CEP128: variants seen among roughly 807,000 people sequenced by gnomAD.
The protein encoded by CEP128 is centrosomal protein 128, also known as centrosomal protein 128kDa.
Under a neutral mutation model 156.7 loss-of-function variants are expected in CEP128, and 132 were observed. That is an observed-to-expected ratio of 0.84 (90% confidence interval 0.73 to 0.97). CEP128 has a LOEUF of 0.97. CEP128 is among the 50% of genes least tolerant of loss of function. The pLI is 0.00. For synonymous variants in CEP128, 469 were observed against 448.9 expected (o/e 1.04, Z -0.57); for missense variants, 1,252 against 1,281.9 (o/e 0.98, Z 0.36).
chr14:80,810,641 G>A (rs1396960674), intron 13 of CEP128, among the ~76,000 whole-genome samples: 1 of 152,090 alleles, frequency 6.6e-6, no homozygotes, highest in East Asian at 1.9e-4. Context: ...ACAGAGTAAT[G>A]TTGGTCTTGT....
chr14:80,706,223 C>T (rs1307509547), intron 19 of CEP128, among the ~76,000 whole-genome samples: 1 of 151,950 alleles, frequency 6.6e-6, no homozygotes, highest in Non-Finnish European at 1.5e-5. Context: ...CTTAATCTAC[C>T]TGTTTTCAAA....
intron 19 of CEP128, among the ~76,000 whole-genome samples, chr14:80,656,854 G>A (rs1012686381): frequency 1.3e-5 from 2 of 152,062 alleles, no homozygotes; most frequent in Non-Finnish European, 2.9e-5. Flanking sequence ...TTCTTATCCT[G>A]GCCTAACCCT....
chr14:80,708,563 T>C (rs1283061604), intron 19 of CEP128, among the ~76,000 whole-genome samples: 1 of 152,160 alleles, frequency 6.6e-6, no homozygotes, highest in African/African-American at 2.4e-5. Context: ...GTTAGTTACA[T>C]ATGTATCCAT....
At chr14:80,737,483 T>C (rs1467346187) in intron 19 of CEP128, among the ~76,000 whole-genome samples, 2 of 152,240 alleles carry the variant, frequency 1.3e-5, no homozygotes, top group East Asian at 1.9e-4. Flanking sequence ...AAATAACTGA[T>C]GAGTTTTAAT....
At chr14:80,734,506 A>C (rs1898430992) in intron 19 of CEP128, among the ~76,000 whole-genome samples, 1 of 152,056 alleles carries the variant, frequency 6.6e-6, no homozygotes, top group African/African-American at 2.4e-5. Context: ...AAAGCACTTA[A>C]ACAGTGTCTG....
chr14:80,919,486 C>T (rs1012727645), intron 2 of CEP128, among the ~76,000 whole-genome samples: 1 of 152,064 alleles, frequency 6.6e-6, no homozygotes, highest in African/African-American at 2.4e-5. Flanking sequence ...CCTCCTTCAC[C>T]CAGTACTACT....
intron 13 of CEP128, among the ~76,000 whole-genome samples, chr14:80,824,372 T>C (rs143781179): frequency 1.7e-3 from 254 of 152,320 alleles, no homozygotes; most frequent in African/African-American, 5.8e-3. Flanking sequence ...CCAGCTTGAA[T>C]TTCTCCTCAG....
intron 20 of CEP128, among the ~76,000 whole-genome samples, chr14:80,569,894 A>T (rs1891066213): frequency 6.6e-6 from 1 of 152,194 alleles, no homozygotes; most frequent in Non-Finnish European, 1.5e-5. Context: ...GAAGGAAATG[A>T]GCCAGCCACT....
At chr14:80,741,556 C>T (rs937949052) in intron 19 of CEP128, among the ~76,000 whole-genome samples, 1 of 152,124 alleles carries the variant, frequency 6.6e-6, no homozygotes, top group African/African-American at 2.4e-5. Context: ...TATAGCAGCA[C>T]TCAGTGATGG....
At chr14:80,626,230 C>T (rs986032582) in intron 19 of CEP128, among the ~76,000 whole-genome samples, 1 of 150,586 alleles carries the variant, frequency 6.6e-6, no homozygotes, top group Non-Finnish European at 1.5e-5. Flanking sequence ...TTTGGGAGGC[C>T]GAGGCGGGTG....
intron 19 of CEP128, among the ~76,000 whole-genome samples, chr14:80,636,366 G>A (rs1215466159): frequency 6.6e-6 from 1 of 152,154 alleles, no homozygotes; most frequent in East Asian, 1.9e-4. Flanking sequence ...ATAGCATAAA[G>A]ATACAACCTA....
chr14:80,740,098 A>AT (rs761226110), intron 19 of CEP128, among the ~76,000 whole-genome samples: 63 of 150,236 alleles, frequency 4.2e-4, no homozygotes, highest in Non-Finnish European at 6.5e-4. Flanking sequence ...TGGAAGAGTG[A>AT]TTTTTTTTTT....
intron 13 of CEP128, chr14:80,830,194 T>C: frequency 1.6e-6 from 1 of 618,174 alleles, no homozygotes; most frequent in Non-Finnish European, 2.9e-6. Flanking sequence ...ATTAAACATG[T>C]AGAGGGCTTT....
intron 12 of CEP128, among the ~76,000 whole-genome samples, chr14:80,832,622 T>C (rs1048891774): frequency 6.6e-6 from 1 of 152,070 alleles, no homozygotes; most frequent in African/African-American, 2.4e-5. Flanking sequence ...GGAACTAAAG[T>C]AGGAAGAACT....
intron 19 of CEP128, among the ~76,000 whole-genome samples, chr14:80,684,486 A>T (rs1204631609): frequency 6.6e-6 from 1 of 152,138 alleles, no homozygotes; most frequent in Non-Finnish European, 1.5e-5. Flanking sequence ...CCTGGACCAG[A>T]TGGATTCACA....
intron 13 of CEP128, among the ~76,000 whole-genome samples, chr14:80,810,323 C>CAAAAAAAAAAAAAAAAAAAAAAA (rs71103883): frequency 6.6e-5 from 1 of 15,206 alleles, no homozygotes; most frequent in Non-Finnish European, 1.3e-4. Flanking sequence ...ACTCCATCTC[C>CAAAAAAAAAAAAAAAAAAAAAAA]AAAAAAAAAA....
chr14:80,721,284 T>C (rs1350316536), intron 19 of CEP128, among the ~76,000 whole-genome samples: 1 of 152,168 alleles, frequency 6.6e-6, no homozygotes, highest in African/African-American at 2.4e-5. Flanking sequence ...CTGGCAATCA[T>C]ACTACAGATG....
chr14:80,873,560 C>G (rs999135863), intron 8 of CEP128, among the ~76,000 whole-genome samples: 1 of 152,096 alleles, frequency 6.6e-6, no homozygotes, highest in Admixed American at 6.5e-5. Context: ...CTAATAGTTT[C>G]AAAAAACAGC....
At chr14:80,717,989 GTGTGTATGTGTA>G (rs201148721) in intron 19 of CEP128, among the ~76,000 whole-genome samples, 5 of 151,862 alleles carry the variant, frequency 3.3e-5, no homozygotes, top group Admixed American at 3.3e-4. Flanking sequence ...TAACTTGTGT[GTGTGTATGTGTA>G]TGTGTATGTG....
Sources: allele counts gnomAD v4.1 joint callset (sites outside exome capture counted in the v4.1 genomes callset), GRCh38; gene constraint gnomAD v4.1.1; transcripts MANE v1.5; gene names NCBI Gene and HGNC (gene_info 2026-07-23, HGNC 2026-07-21).